UBE2G2: variants seen among roughly 807,000 people sequenced by gnomAD.
The protein encoded by UBE2G2 is ubiquitin conjugating enzyme E2 G2.
A neutral mutation model predicts 23.0 loss-of-function variants in UBE2G2; 10 were observed. That is an observed-to-expected ratio of 0.43 (90% CI 0.27 to 0.74). The LOEUF (loss-of-function observed/expected upper bound fraction) is 0.74. Ranked by LOEUF, UBE2G2 falls within the 30% of genes least tolerant of loss-of-function variation. UBE2G2 has a pLI of 0.19. For synonymous variants in UBE2G2, 86 were observed against 81.3 expected, an observed-to-expected ratio of 1.06 and a Z score of -0.31; for missense variants, 150 against 218.3, an observed-to-expected ratio of 0.69 and a Z score of 1.97.
At chr21:44,794,488 A>G (rs1331230632) in intron 1 of UBE2G2, among the ~76,000 whole-genome samples, 1 of 152,206 alleles carries the variant, frequency 6.6e-6, no homozygotes, top group Non-Finnish European at 1.5e-5. Flanking sequence ...AAATATTTTA[A>G]AAGTCAATAA....
rs1281504102 is a variant in UBE2G2, at chr21:44,769,650, T to C, written c.*1727A>G. ...GCCTCAGTCTCCCAAAGTGCTGGGA[T>C]TGCAGGCGTGAGCCACAGCACCCAG... On this transcript the variant is annotated 3_prime_UTR_variant, in exon 6 of 6. Transcript: ENST00000345496. The C allele has an allele frequency of 6.6e-6, 1 of 152,242 alleles. No individual in the cohort carries two copies. Among genetic ancestry groups the C allele is most frequent in the Non-Finnish European group, 1.5e-5 (1 of 68,092 alleles). The allele number at this position is 152,242 out of a possible 1,614,324, so 9.4% of individuals were successfully genotyped here.
At chr21:44,774,813 G>T in intron 4 of UBE2G2, 1 of 434,398 alleles carries the variant, frequency 2.3e-6, no homozygotes, top group Admixed American at 2.6e-5. Context: ...TGGTCCCATA[G>T]GGTGACACTG....
chr21:44,786,182 G>A (rs1416512489), intron 3 of UBE2G2, among the ~76,000 whole-genome samples: 2 of 152,052 alleles, frequency 1.3e-5, no homozygotes, highest in Non-Finnish European at 2.9e-5. Context: ...CCGCTGGCAT[G>A]AGTGCAGGTG....
At chr21:44,784,214 A>G (rs1383479538) in intron 3 of UBE2G2, among the ~76,000 whole-genome samples, 1 of 151,900 alleles carries the variant, frequency 6.6e-6, no homozygotes, top group Non-Finnish European at 1.5e-5. Flanking sequence ...AGGAAGAGAG[A>G]GAGGAGGGAG....
chr21:44,770,650 C>T lies in UBE2G2; in HGVS notation c.*727G>A, dbSNP rs1488678423. 6.6e-6 allele frequency: 1 copy of T among 152,182 alleles called. No homozygotes were observed. The highest frequency in any genetic ancestry group is 1.5e-5 in the Non-Finnish European group (1 of 68,046). The allele number at this position is 152,182 out of a possible 1,614,324, so 9.4% of individuals were successfully genotyped here. On this transcript the variant is annotated 3_prime_UTR_variant, in exon 6 of 6. Coordinates refer to ENST00000345496, the MANE Select transcript of UBE2G2 (RefSeq NM_003343.6). Reference sequence around the variant, plus strand: ...GCCAGGATGGTCTCAATTTCCTGACCTTGTGATCTACCTGCCTTGGCCTCC... The same window carrying T: ...GCCAGGATGGTCTCAATTTCCTGACTTTGTGATCTACCTGCCTTGGCCTCC...
At chr21:44,796,680 A>C (rs1474096702) in intron 1 of UBE2G2, among the ~76,000 whole-genome samples, 1 of 152,214 alleles carries the variant, frequency 6.6e-6, no homozygotes, top group African/African-American at 2.4e-5. Context: ...ATACTCATTG[A>C]TGATCTCAGA....
chr21:44,782,818 A>G lies in UBE2G2; in HGVS notation c.125+5102T>C, dbSNP rs542185096. Among the ~76,000 whole-genome samples, 75 of 152,374 alleles carry G rather than the reference A, an allele frequency of 4.9e-4. 3 individuals carry two copies. The South Asian group carries it at 0.014, about 29-fold the overall frequency. Reference sequence around the variant, plus strand: ...AATAGATCAAAGGCCTAAATGTAAAAGTGAAAAAACACAAAACTTCTACAA... The same window carrying G: ...AATAGATCAAAGGCCTAAATGTAAAGGTGAAAAAACACAAAACTTCTACAA... On this transcript the variant is annotated intron_variant, in intron 3 of 5. Coordinates refer to ENST00000345496, the MANE Select transcript of UBE2G2 (RefSeq NM_003343.6).
At chr21:44,773,424 T>C in intron 5 of UBE2G2, 123 bp downstream of exon 5, 1 of 1,252,398 alleles carries the variant, frequency 8.0e-7, no homozygotes, top group Middle Eastern at 2.8e-4. Context: ...TAAATGGCAA[T>C]AGCATGTGTA....
chr21:44,790,187 C>A (rs1555962755), intron 1 of UBE2G2, among the ~76,000 whole-genome samples: 1 of 152,050 alleles, frequency 6.6e-6, no homozygotes, highest in African/African-American at 2.4e-5. Context: ...AAAGAATGGC[C>A]AAAATTAAAG....
intron 1 of UBE2G2, among the ~76,000 whole-genome samples, chr21:44,792,298 G>A (rs2083051806): frequency 6.6e-6 from 1 of 152,154 alleles, no homozygotes; most frequent in South Asian, 2.1e-4. Flanking sequence ...AGATTTGGGA[G>A]GGGTAGGGGG....
At position 44,771,784 on chromosome 21, in the gene UBE2G2, C is replaced by T. The variant is rs2082876934; in HGVS notation, c.386-295G>A. Among the ~76,000 whole-genome samples, 5 of 152,206 alleles carry T rather than the reference C, an allele frequency of 3.3e-5. No homozygotes were observed. On this transcript the variant is annotated intron_variant, in intron 5 of 5. Coordinates refer to ENST00000345496, the MANE Select transcript of UBE2G2 (RefSeq NM_003343.6). The surrounding 1 kb of genome is among the most constrained non-coding windows in gnomAD (Gnocchi z 4.6). ...CCACCTAAGCACAGGCCCACACGGC[C>T]TCCCACAGCAGCCTCCTGGGCCACT...
intron 3 of UBE2G2, among the ~76,000 whole-genome samples, chr21:44,779,515 C>CG (rs397866595): frequency 1.2e-4 from 19 of 152,024 alleles, no homozygotes; most frequent in Non-Finnish European, 2.5e-4. Flanking sequence ...GTACCCCCCC[C>CG]GGCCCACACT....
chr21:44,801,593 G>C, intron 1 of UBE2G2, 113 bp downstream of exon 1: 1 of 1,349,792 alleles, frequency 7.4e-7, no homozygotes, highest in Non-Finnish European at 9.6e-7. Context: ...GCTCACGGTG[G>C]AGGCCCCGGG....
intron 3 of UBE2G2, among the ~76,000 whole-genome samples, chr21:44,781,296 C>A (rs1431805618): frequency 6.6e-6 from 1 of 152,184 alleles, no homozygotes; most frequent in Non-Finnish European, 1.5e-5. Flanking sequence ...GCTACAGAAT[C>A]GACAGAGGGC....
chr21:44,773,938 C>T, intron 4 of UBE2G2: 1 of 392,486 alleles, frequency 2.5e-6, no homozygotes, highest in Non-Finnish European at 4.5e-6. Flanking sequence ...TAGTCTAATC[C>T]ACTTTCATAT....
At chr21:44,795,561 G>A (rs1555963593) in intron 1 of UBE2G2, among the ~76,000 whole-genome samples, 1 of 151,952 alleles carries the variant, frequency 6.6e-6, no homozygotes, top group African/African-American at 2.4e-5. Context: ...GAGCCTAGGA[G>A]GCAGAGGCTG....
chr21:44,784,513 C>T (rs1299239429), intron 3 of UBE2G2, among the ~76,000 whole-genome samples: 1 of 152,180 alleles, frequency 6.6e-6, no homozygotes, highest in African/African-American at 2.4e-5. Flanking sequence ...ACATACAATA[C>T]AAATTATAAA....
Position 44,801,701 on chromosome 21 carries a change from C to T in UBE2G2, c.43+5G>A. On this transcript the variant is annotated splice_donor_5th_base_variant and intron_variant, in intron 1 of 5. Coordinates refer to ENST00000345496, the MANE Select transcript of UBE2G2 (RefSeq NM_003343.6). ...GCTGCTGACGGCCCGGGTCCCCAGA[C>T]TCACGTTTGTACTCGGCCATCAGCC... The T allele has an allele frequency of 6.6e-7, 1 of 1,516,502 alleles. No homozygotes were observed. The allele number at this position is 1,516,502 out of a possible 1,614,324, so 93.9% of individuals were successfully genotyped here.
rs1555959898 is a variant in UBE2G2, at chr21:44,771,383, T to G, written c.492A>C (p.Gly164=). 2.5e-6 allele frequency: 4 copies of G among 1,612,686 alleles called. No individual in the cohort carries two copies. Residue 164 remains glycine (G), a synonymous_variant, in exon 6 of 6, where the codon GGA becomes GGC. Coordinates refer to ENST00000345496, the MANE Select transcript of UBE2G2 (RefSeq NM_003343.6). The surrounding 1 kb of genome is among the most constrained non-coding windows in gnomAD (Gnocchi z 4.6). ...IAKQIVQKSL[G]L ...GCCTGTGCGAGGCCAGGTCTCACAG[T>G]CCCAGAGACTTCTGGACGATCTGCT...
Sources: gnomAD v4.1 joint callset for allele counts (sites outside exome capture counted in the v4.1 genomes callset) on GRCh38, gnomAD v4.1.1 for gene constraint, Gnocchi (gnomAD v3.1) non-coding constraint, MANE v1.5 for transcripts, NCBI Gene and HGNC (gene_info 2026-07-23, HGNC 2026-07-21) for gene names.